The following SLC26A3 variants were observed in gnomAD, a reference collection of about 807,000 sequenced individuals.
The protein encoded by SLC26A3 is solute carrier family 26 member 3.
In SLC26A3, 64 loss-of-function variants were observed where a neutral mutation model predicts 85.6. The ratio of observed to expected loss-of-function variants is 0.75; its 90% CI spans 0.61 to 0.92. The LOEUF is 0.92. Among genes scored for constraint, SLC26A3 ranks in the 40% least tolerant of loss-of-function variants. The pLI is 0.00. For missense variants in SLC26A3, 922 were observed against 927.3 expected (o/e 0.99, Z 0.07); for synonymous variants, 349 against 336.0 (o/e 1.04, Z -0.42).
intron 1 of SLC26A3, among the ~76,000 whole-genome samples, chr7:107,796,018 A>G (rs535132869): frequency 6.6e-6 from 1 of 152,176 alleles, no homozygotes; most frequent in Non-Finnish European, 1.5e-5. Flanking sequence ...ACTTTTGACC[A>G]CAATATACTG....
In SLC26A3 at chr7:107,789,663, C is replaced by A. The variant is rs780496577; in HGVS notation, c.596G>T (p.Gly199Val). 6.2e-7 allele frequency: 1 copy of A among 1,613,836 alleles called. No individual in the cohort carries two copies. Among genetic ancestry groups the A allele is most frequent in the Non-Finnish European group, 8.5e-7 (1 of 1,179,930 alleles). ...CTCAGACAGGTATATCACTACAAATCCAATCCGCAGAATCCCAAAAGCCAA... is the reference window on the plus strand; with the variant it reads ...CTCAGACAGGTATATCACTACAAATACAATCCGCAGAATCCCAAAAGCCAA... ...IQLAFGILRI[G>V]FVVIYLSESL... is the part of the protein sequence containing the mutation. The change falls in exon 6 of 21, where the codon GGA becomes GTA. Residue 199 changes from glycine (G) to valine (V), a missense_variant. Gly to Val is a moderately radical substitution (Grantham distance 109, BLOSUM62 -3). Transcript: ENST00000340010.
In SLC26A3 at chr7:107,776,726, A is replaced by T; in HGVS notation, c.1515-20T>A. The stretch of plus-strand genomic sequence containing the variant: ...TTTGGACTGTAGGGAGAAAAACACC[A>T]AGTAAATCATTCATGTATGTTTGTT... On this transcript the variant is annotated intron_variant, in intron 13 of 20. Transcript: ENST00000340010. The T allele has an allele frequency of 1.9e-6, 3 of 1,607,698 alleles. No homozygotes were observed. Among genetic ancestry groups the T allele is most frequent in the East Asian group, 4.5e-5 (2 of 44,842 alleles).
chr7:107,773,296 G>T (rs181016016), intron 17 of SLC26A3, among the ~76,000 whole-genome samples: 245 of 152,182 alleles, frequency 1.6e-3, no homozygotes, highest in Non-Finnish European at 2.9e-3. Flanking sequence ...GAATAATTTA[G>T]ACACAATGCC....
Position 107,782,852 on chromosome 7 carries a change from A to G in SLC26A3, c.1256T>C (p.Ile419Thr). The change falls in exon 11 of 21, where the codon ATC (isoleucine) becomes ACC (threonine). Residue 419 changes from isoleucine to threonine, a missense_variant. Ile to Thr is a moderately conservative substitution (Grantham distance 89, BLOSUM62 -1). Transcript: ENST00000340010. ...GGCTAGAACGACAATCAGCACGATG[A>G]TGGCACCAATAAGCCCAGCAATCTG... Reference protein sequence around the residue: ...KTQIAGLIGAIIVLIVVLAIG... With the variant: ...KTQIAGLIGATIVLIVVLAIG... 3 of 1,614,172 alleles carry G rather than the reference A, an allele frequency of 1.9e-6. No homozygotes were observed. Among genetic ancestry groups the G allele is most frequent in the Non-Finnish European group, 1.7e-6 (2 of 1,179,998 alleles).
chr7:107,776,204 A>G lies in SLC26A3; in HGVS notation c.1677+248T>C, dbSNP rs188714208. 210 of 517,066 alleles carry G rather than the reference A, an allele frequency of 4.1e-4. 2 individuals are homozygous for G. Among genetic ancestry groups the G allele is most frequent in the Middle Eastern group, 3.1e-3 (6 of 1,922 alleles). The allele number at this position is 517,066 out of a possible 1,614,324, so 32.0% of individuals were successfully genotyped here. A position where few individuals can be genotyped will look rare whatever the true frequency, so the allele number is the denominator to read the frequency against. ...AAACTTGGTAAATTTCTTTTACTCT[A>G]CATCAGAATTTGAGAAAAGGATTCT... is the stretch of plus-strand genomic sequence containing the variant. On this transcript the variant is annotated intron_variant, in intron 15 of 20. Coordinates refer to ENST00000340010, the MANE Select transcript of SLC26A3 (RefSeq NM_000111.3).
intron 12 of SLC26A3, 32 bp downstream of exon 12, chr7:107,779,636 T>C: frequency 1.3e-6 from 2 of 1,498,504 alleles, no homozygotes; most frequent in Non-Finnish European, 9.3e-7. Context: ...TTGTGATTTA[T>C]CTCTCTTTCA....
intron 1 of SLC26A3, among the ~76,000 whole-genome samples, chr7:107,798,674 C>T (rs1452636939): frequency 6.6e-6 from 1 of 152,178 alleles, no homozygotes; most frequent in African/African-American, 2.4e-5. Flanking sequence ...GATGCCTCCA[C>T]TCTTGGACAA....
chr7:107,794,642 G>A, intron 1 of SLC26A3, 45 bp from the exon 2 acceptor site: 2 of 959,374 alleles, frequency 2.1e-6, no homozygotes, highest in South Asian at 2.7e-5. Context: ...CAGAGATAAT[G>A]TGATGCAATT....
chr7:107,781,867 G>C (rs1794220385), intron 11 of SLC26A3, among the ~76,000 whole-genome samples: 1 of 152,118 alleles, frequency 6.6e-6, no homozygotes, highest in South Asian at 2.1e-4. Context: ...AGCCAGGAGT[G>C]TAATACAATG....
intron 18 of SLC26A3, among the ~76,000 whole-genome samples, chr7:107,770,967 C>G (rs1794020941): frequency 6.6e-6 from 1 of 152,130 alleles, no homozygotes; most frequent in Non-Finnish European, 1.5e-5. Flanking sequence ...CTGAAGAAGG[C>G]TTCTTTCAGA....
At chr7:107,796,218 C>T (rs1163693787) in intron 1 of SLC26A3, among the ~76,000 whole-genome samples, 2 of 151,888 alleles carry the variant, frequency 1.3e-5, no homozygotes, top group African/African-American at 4.8e-5. Context: ...AAGCGGTCCT[C>T]CTGTCTCCTG....
At chr7:107,800,895 G>T (rs1794588287) in intron 1 of SLC26A3, among the ~76,000 whole-genome samples, 1 of 152,182 alleles carries the variant, frequency 6.6e-6, no homozygotes, top group African/African-American at 2.4e-5. Flanking sequence ...AAAGCAGTGG[G>T]CAATAAGCAA....
chr7:107,781,120 T>A (rs1181747587), intron 11 of SLC26A3, among the ~76,000 whole-genome samples: 4 of 152,172 alleles, frequency 2.6e-5, no homozygotes, highest in Non-Finnish European at 4.4e-5. Context: ...TACAACAGAT[T>A]ACTTTTAAAG....
intron 20 of SLC26A3, among the ~76,000 whole-genome samples, chr7:107,766,100 G>T (rs1793909985): frequency 6.6e-6 from 1 of 152,116 alleles, no homozygotes; most frequent in African/African-American, 2.4e-5. Flanking sequence ...ACAGTGTGTT[G>T]TAGCAATATC....
chr7:107,781,715 T>C (rs1195794106), intron 11 of SLC26A3, among the ~76,000 whole-genome samples: 2 of 152,116 alleles, frequency 1.3e-5, no homozygotes, highest in East Asian at 3.9e-4. Flanking sequence ...GATTTGGCCA[T>C]TGAGCTTTTT....
intron 18 of SLC26A3, 84 bp from the exon 19 acceptor site, chr7:107,767,992 C>T: frequency 7.7e-7 from 1 of 1,299,230 alleles, no homozygotes; most frequent in Non-Finnish European, 1.1e-6. Flanking sequence ...TTTCACCTTC[C>T]ATTTGCAAAT....
chr7:107,779,131 A>C (rs937740852), intron 12 of SLC26A3, among the ~76,000 whole-genome samples: 4 of 152,214 alleles, frequency 2.6e-5, no homozygotes, highest in Non-Finnish European at 4.4e-5. Context: ...AAAGTAAACC[A>C]AGTGTAGTTT....
At chr7:107,780,708 A>T (rs1433145902) in intron 11 of SLC26A3, among the ~76,000 whole-genome samples, 1 of 152,158 alleles carries the variant, frequency 6.6e-6, no homozygotes, top group Non-Finnish European at 1.5e-5. Flanking sequence ...TTATAATATA[A>T]TATCTAAGCA....
chr7:107,790,505 T>A (rs1794376753), intron 5 of SLC26A3, among the ~76,000 whole-genome samples: 2 of 152,102 alleles, frequency 1.3e-5, no homozygotes, highest in Admixed American at 1.3e-4. Flanking sequence ...TCTCAAAAAG[T>A]CCATGACATT....
Sources: allele counts gnomAD v4.1 joint callset (sites outside exome capture counted in the v4.1 genomes callset), GRCh38; gene constraint gnomAD v4.1.1; transcripts MANE v1.5; gene names NCBI Gene and HGNC (gene_info 2026-07-23, HGNC 2026-07-21).